The following KANSL1 variants were observed in gnomAD, a reference collection of about 807,000 sequenced individuals.
KANSL1 encodes the protein MLL1/MLL complex subunit KANSL1.
A neutral mutation model predicts 103.6 loss-of-function variants in KANSL1; 22 were observed. That is an observed-to-expected ratio of 0.21 (90% CI 0.15 to 0.30). The LOEUF is 0.30. Ranked by LOEUF, KANSL1 falls within the 10% of genes least tolerant of loss-of-function variation. The pLI is 1.00. For synonymous variants in KANSL1, 600 were observed against 527.6 expected (o/e 1.14, Z -1.88); for missense variants, 1,337 against 1,399.8 (o/e 0.96, Z 0.72).
chr17:46,133,041 C>T (rs1244718480), intron 2 of KANSL1, among the ~76,000 whole-genome samples: 1 of 152,172 alleles, frequency 6.6e-6, no homozygotes. Flanking sequence ...CCATTATATG[C>T]CAAGTACCAG....
chr17:46,172,152 G>C lies in KANSL1; in HGVS notation c.-9C>G. 1 of 1,600,184 alleles carries C rather than the reference G, an allele frequency of 6.2e-7. No individual in the cohort carries two copies. The highest frequency in any genetic ancestry group is 8.5e-7 in the Non-Finnish European group (1 of 1,179,162). On this transcript the variant is annotated 5_prime_UTR_variant, in exon 2 of 15. Coordinates refer to ENST00000432791, the MANE Select transcript of KANSL1 (RefSeq NM_015443.4). ...GGCGCCATCGCAGCCATTCAGCACA[G>C]AGAGACAGGAAGTCCAGCCTCTCCC...
chr17:46,170,131 CAG>C (rs1255715992), intron 2 of KANSL1: 1 of 152,324 alleles, frequency 6.6e-6, no homozygotes, highest in Non-Finnish European at 1.5e-5. Flanking sequence ...GCCTGGGCGA[CAG>C]AGCGGAACTG....
chr17:46,206,083 CAA>C (rs71226716), intron 1 of KANSL1, among the ~76,000 whole-genome samples: 37 of 89,586 alleles, frequency 4.1e-4, no homozygotes, highest in East Asian at 1.6e-3. Flanking sequence ...CTGTGTCCCC[CAA>C]AAAAAAAAAA....
In KANSL1 at chr17:46,091,542, G is replaced by C. The variant is rs139094030; in HGVS notation, c.1431+3018C>G. ...CCCTTCACCCACCGACTCACCCAGA[G>C]CAACTTCCAGTCCTGCAAGCTCCAT... is the stretch of plus-strand genomic sequence containing the variant. On this transcript the variant is annotated intron_variant, in intron 3 of 14. Coordinates refer to ENST00000432791, the MANE Select transcript of KANSL1 (RefSeq NM_015443.4). Among the ~76,000 whole-genome samples, 873 of 152,198 alleles carry C rather than the reference G, an allele frequency of 5.7e-3. 10 individuals carry two copies. Among genetic ancestry groups the C allele is most frequent in the African/African-American group, 0.02 (817 of 41,508 alleles).
chr17:46,171,898 A>T lies in KANSL1; in HGVS notation c.246T>A (p.Tyr82Ter), dbSNP rs779137465. Reference sequence around the variant, plus strand: ...GAACAGATGTTACATCAGAGCAGAGATAAGATGCCACCAGTGGTTGCAGCT... The same window carrying T: ...GAACAGATGTTACATCAGAGCAGAGTTAAGATGCCACCAGTGGTTGCAGCT... ...LGKLQPLVAS[Y>*]LCSDVTSVPS... The change falls in exon 2 of 15, where the codon TAT becomes TAA. Residue 82 changes from tyrosine (Y) to a stop codon, truncating the protein, a stop_gained. Coordinates refer to ENST00000432791, the MANE Select transcript of KANSL1 (RefSeq NM_015443.4). LOFTEE classifies it high-confidence loss of function. The T allele has an allele frequency of 6.2e-7, 1 of 1,614,272 alleles. No homozygotes were observed. The highest frequency in any genetic ancestry group is 8.5e-7 in the Non-Finnish European group (1 of 1,180,046).
intron 7 of KANSL1, chr17:46,050,286 C>T: frequency 1.9e-6 from 1 of 532,084 alleles, no homozygotes; most frequent in South Asian, 2.9e-5. Flanking sequence ...GGCAACTGAG[C>T]CCAGATCCCT....
At position 46,165,514 on chromosome 17, in the gene KANSL1, T is replaced by C. The variant is rs557711060; in HGVS notation, c.1289+5341A>G. Reference sequence around the variant, plus strand: ...CCCAAAGTGCTGGGATTACAGGTATTTTTATTTTTTTTTTGAGACACAGTT... The same window carrying C: ...CCCAAAGTGCTGGGATTACAGGTATCTTTATTTTTTTTTTGAGACACAGTT... On this transcript the variant is annotated intron_variant, in intron 2 of 14. Coordinates refer to ENST00000432791, the MANE Select transcript of KANSL1 (RefSeq NM_015443.4). Among the ~76,000 whole-genome samples, 4 of 141,834 alleles carry C rather than the reference T, an allele frequency of 2.8e-5. No individual in the cohort carries two copies. In the South Asian group the frequency reaches 8.9e-4, roughly 31 times the overall value. The allele number at this position is 141,834 out of a possible 152,430, so 93.0% of individuals were successfully genotyped here.
chr17:46,145,327 C>G (rs987671373), intron 2 of KANSL1, among the ~76,000 whole-genome samples: 3 of 152,256 alleles, frequency 2.0e-5, no homozygotes, highest in African/African-American at 7.2e-5. Context: ...CTGGCCCTTT[C>G]TATTTCATAA....
chr17:46,046,705 C>T (rs867435083), intron 7 of KANSL1, among the ~76,000 whole-genome samples: 2 of 151,108 alleles, frequency 1.3e-5, no homozygotes, highest in Admixed American at 6.6e-5. Flanking sequence ...GGCGTGGTGG[C>T]GCGTGCCTGT....
At chr17:46,131,700 T>C (rs1030156677) in intron 2 of KANSL1, among the ~76,000 whole-genome samples, 1 of 152,296 alleles carries the variant, frequency 6.6e-6, no homozygotes, top group Non-Finnish European at 1.5e-5. Context: ...ATAGGCAAGA[T>C]AGCAATAAAA....
chr17:46,164,859 G>C (rs1004374145), intron 2 of KANSL1, among the ~76,000 whole-genome samples: 1 of 152,246 alleles, frequency 6.6e-6, no homozygotes, highest in Non-Finnish European at 1.5e-5. Flanking sequence ...CCTATAGCTA[G>C]TTTTTAGCAG....
chr17:46,034,704 CT>C, intron 10 of KANSL1: 1 of 194,670 alleles, frequency 5.1e-6, no homozygotes, highest in South Asian at 9.8e-5. Context: ...AAAAGCAATG[CT>C]TGAAAGCTTA....
chr17:46,085,505 G>C (rs1166962469), intron 3 of KANSL1, among the ~76,000 whole-genome samples: 1 of 152,040 alleles, frequency 6.6e-6, no homozygotes, highest in Non-Finnish European at 1.5e-5. Context: ...TTTCTTGTTT[G>C]TTGAGACAGG....
At chr17:46,087,040 T>G (rs1036316792) in intron 3 of KANSL1, among the ~76,000 whole-genome samples, 2 of 152,152 alleles carry the variant, frequency 1.3e-5, no homozygotes, top group African/African-American at 4.8e-5. Context: ...AGTGCCGGGT[T>G]GCAGGCATGA....
intron 1 of KANSL1, among the ~76,000 whole-genome samples, chr17:46,210,246 G>A (rs1407170446): frequency 1.3e-5 from 2 of 152,048 alleles, no homozygotes; most frequent in Non-Finnish European, 2.9e-5. Context: ...AGGCTGAGGC[G>A]GGTGGATCAT....
Position 46,031,415 on chromosome 17 carries a change from A to C in KANSL1, c.*61T>G. The C allele has an allele frequency of 2.9e-5, 42 of 1,433,874 alleles. No homozygotes were observed. The highest frequency in any genetic ancestry group is 3.6e-5 in the Non-Finnish European group (38 of 1,054,886). The allele number at this position is 1,433,874 out of a possible 1,614,324, so 88.8% of individuals were successfully genotyped here. ...CATATGATGTTTGAATATCAAACGC[A>C]GAGATTTCTGAAGCTTTAATGCCAA... On this transcript the variant is annotated 3_prime_UTR_variant, in exon 15 of 15. Coordinates refer to ENST00000432791, the MANE Select transcript of KANSL1 (RefSeq NM_015443.4).
intron 2 of KANSL1, among the ~76,000 whole-genome samples, chr17:46,139,318 A>G (rs1347751995): frequency 6.6e-6 from 1 of 151,794 alleles, no homozygotes; most frequent in Non-Finnish European, 1.5e-5. Flanking sequence ...AAAAGTATAT[A>G]ATGACTAACA....
intron 1 of KANSL1, among the ~76,000 whole-genome samples, chr17:46,174,712 T>A (rs1238207224): frequency 6.6e-6 from 1 of 152,210 alleles, no homozygotes; most frequent in Non-Finnish European, 1.5e-5. Context: ...TCTAGCTCTG[T>A]CACCCAAGCT....
At chr17:46,143,040 G>GC (rs1284227684) in intron 2 of KANSL1, among the ~76,000 whole-genome samples, 1 of 152,140 alleles carries the variant, frequency 6.6e-6, no homozygotes, top group East Asian at 1.9e-4. Context: ...TCTAAATATG[G>GC]CAAGTTTCTA....
Sources: allele counts gnomAD v4.1 joint callset (sites outside exome capture counted in the v4.1 genomes callset), GRCh38; gene constraint gnomAD v4.1.1; transcripts MANE v1.5; gene names NCBI Gene and HGNC (gene_info 2026-07-23, HGNC 2026-07-21).